Variants in LAMB1 observed in about 807,000 individuals in gnomAD.
The protein encoded by LAMB1 is laminin subunit beta 1.
LAMB1 carries 121 observed loss-of-function variants against 222.3 expected under a neutral mutation model. The ratio of observed to expected loss-of-function variants is 0.54; its 90% CI spans 0.47 to 0.63. The LOEUF (loss-of-function observed/expected upper bound fraction) is 0.63. LAMB1 is among the 30% of genes least tolerant of loss of function. The pLI, the probability that LAMB1 is intolerant of heterozygous loss-of-function variation, is 0.00. For missense variants in LAMB1, 2,172 were observed against 2,240.8 expected, an observed-to-expected ratio of 0.97 and a Z score of 0.62; for synonymous variants, 794 against 807.2, an observed-to-expected ratio of 0.98 and a Z score of 0.28.
intron 15 of LAMB1, among the ~76,000 whole-genome samples, chr7:107,962,205 G>T (rs922544966): frequency 6.6e-6 from 1 of 152,188 alleles, no homozygotes; most frequent in Non-Finnish European, 1.5e-5. Flanking sequence ...GCTCGGGCTG[G>T]CTGGTGCATG....
intron 7 of LAMB1, among the ~76,000 whole-genome samples, chr7:107,983,629 T>G (rs767117683): frequency 1.4e-4 from 20 of 142,812 alleles, no homozygotes; most frequent in Non-Finnish European, 2.9e-4. Context: ...CTCAGCTCAC[T>G]GCAACCTCTG....
rs2033352518 is a variant in LAMB1, at chr7:107,955,405, A to T, written c.2854+62T>A. On this transcript the variant is annotated intron_variant, in intron 21 of 33. Coordinates refer to ENST00000222399, the MANE Select transcript of LAMB1 (RefSeq NM_002291.3). Reference sequence around the variant, plus strand: ...CTTTGCATCTTTTTTTCTCATTAACAATGAACTCATAAAGACATCTTTTTC... The same window carrying T: ...CTTTGCATCTTTTTTTCTCATTAACTATGAACTCATAAAGACATCTTTTTC... 3 of 1,429,672 alleles carry T rather than the reference A, an allele frequency of 2.1e-6. No individual in the cohort carries two copies. The African/African-American group carries it at 4.3e-5, about 20-fold the overall frequency. 88.6% of individuals were successfully genotyped at this position (1,429,672 alleles called of 1,614,324 possible). A position where few individuals can be genotyped will look rare whatever the true frequency, so the allele number is the denominator to read the frequency against.
At chr7:107,942,817 G>T (rs1208427472) in intron 24 of LAMB1, 3 of 152,148 alleles carry the variant, frequency 2.0e-5, no homozygotes, top group Admixed American at 2.0e-4. Context: ...GGATAAAGGG[G>T]AAAAACGTGT....
rs2032513025 is a variant in LAMB1 at position 107,924,504 on chromosome 7, C to CG, written c.5065-116_5065-115insC. ...TGGATTAAGGGCCACCAAGGATATTCACTGGTAAGTAATTTAAAATTTTAT... is the reference window on the plus strand; with the variant it reads ...TGGATTAAGGGCCACCAAGGATATTCGACTGGTAAGTAATTTAAAATTTTAT... On this transcript the variant is annotated intron_variant, in intron 32 of 33. Transcript: ENST00000222399. 3 of 682,572 alleles carry CG rather than the reference C, an allele frequency of 4.4e-6. No homozygotes were observed. The Admixed American group carries it at 1.1e-4, about 25-fold the overall frequency. 42.3% of individuals were successfully genotyped at this position (682,572 alleles called of 1,614,324 possible).
At chr7:107,935,266 G>T in intron 27 of LAMB1, 149 bp downstream of exon 27, 1 of 1,189,966 alleles carries the variant, frequency 8.4e-7, no homozygotes, top group Non-Finnish European at 1.2e-6. Context: ...AGGATCCAGA[G>T]ACCTCAGCCT....
At chr7:107,961,151 T>C in intron 17 of LAMB1, 55 bp downstream of exon 17, 1 of 1,610,776 alleles carries the variant, frequency 6.2e-7, no homozygotes, top group East Asian at 2.2e-5. Context: ...TGAGAGCAGC[T>C]GGGCACTTTC....
rs187514096 is a variant in LAMB1 at position 107,955,902 on chromosome 7, T to G, written c.2691-272A>C. Among the ~76,000 whole-genome samples the G allele has an allele frequency of 4.5e-3, 688 of 151,490 alleles. 6 individuals are homozygous for G. Among genetic ancestry groups the G allele is most frequent in the African/African-American group, 0.016 (650 of 41,298 alleles). On this transcript the variant is annotated intron_variant, in intron 20 of 33. Transcript: ENST00000222399. ...CACACACCACCACACCTGGCTGTTT[T>G]TTTGTTTGTTTTTGAGATGGAGTCG...
intron 7 of LAMB1, among the ~76,000 whole-genome samples, chr7:107,983,751 C>CAA (rs2034019405): frequency 6.6e-6 from 1 of 151,826 alleles, no homozygotes; most frequent in African/African-American, 2.4e-5. Context: ...CTCCTGACCT[C>CAA]GTGATCCACC....
In LAMB1 at chr7:107,978,455, T is replaced by TA. The variant is rs11350102; in HGVS notation, c.880-289dup. ...CCAGATGAAGAAAATTACTTAAAATTAAAAAAAAAAAAAAAAACTAGTTAC... is the reference window on the plus strand; with the variant it reads ...CCAGATGAAGAAAATTACTTAAAATTAAAAAAAAAAAAAAAAAACTAGTTAC... On this transcript the variant is annotated intron_variant, in intron 8 of 33. Coordinates refer to ENST00000222399, the MANE Select transcript of LAMB1 (RefSeq NM_002291.3). Among the ~76,000 whole-genome samples, 1,263 of 126,334 alleles carry TA rather than the reference T, an allele frequency of 1.0e-2. 9 individuals carry two copies. The highest frequency in any genetic ancestry group is 0.028 in the East Asian group (119 of 4,288). The allele number at this position is 126,334 out of a possible 152,430, so 82.9% of individuals were successfully genotyped here.
At chr7:107,941,071 C>CA (rs2032970578) in intron 24 of LAMB1, among the ~76,000 whole-genome samples, 1 of 152,224 alleles carries the variant, frequency 6.6e-6, no homozygotes. Context: ...GCCAGTACTA[C>CA]AAGCAGGGAT....
In LAMB1 at chr7:108,002,888, C is replaced by A. The variant is rs369221458; in HGVS notation, c.-3G>T. ...GCTAGCAACTGGAGAAGCCCCATGC[C>A]GGCTCCCTGCAGCCACGGGGACGCG... On this transcript the variant is annotated 5_prime_UTR_variant, in exon 2 of 34. Transcript: ENST00000222399. The A allele has an allele frequency of 1.2e-6, 2 of 1,614,028 alleles. No homozygotes were observed. The highest frequency in any genetic ancestry group is 4.5e-5 in the East Asian group (2 of 44,872).
intron 17 of LAMB1, among the ~76,000 whole-genome samples, chr7:107,960,991 G>A (rs2033485515): frequency 6.6e-6 from 1 of 152,196 alleles, no homozygotes; most frequent in Non-Finnish European, 1.5e-5. Context: ...ACTACGCCTA[G>A]TGAAATGCTG....
chr7:107,946,332 A>G (rs1228046383), intron 24 of LAMB1, among the ~76,000 whole-genome samples: 2 of 152,128 alleles, frequency 1.3e-5, no homozygotes, highest in East Asian at 1.9e-4. Context: ...CCTCAGTAAT[A>G]TAGGTTCAAT....
intron 5 of LAMB1, among the ~76,000 whole-genome samples, chr7:107,992,722 C>T (rs763904474): frequency 7.9e-5 from 12 of 152,110 alleles, no homozygotes; most frequent in Non-Finnish European, 1.5e-4. Flanking sequence ...ATGGTGAAAC[C>T]TGCCTCTACC....
At chr7:107,994,134 A>G (rs576417037) in intron 5 of LAMB1, among the ~76,000 whole-genome samples, 9 of 152,334 alleles carry the variant, frequency 5.9e-5, no homozygotes, top group African/African-American at 2.2e-4. Context: ...GAGAAGCAAT[A>G]ACTAAATTAT....
rs570198086 is a variant in LAMB1 at position 107,967,127 on chromosome 7, G to C, written c.1563-2440C>G. The stretch of plus-strand genomic sequence containing the variant: ...TCTCTAATTCATCTTGTCCCAAACA[G>C]ATCATCACCACCCACACTGACTTCT... On this transcript the variant is annotated intron_variant, in intron 13 of 33. Coordinates refer to ENST00000222399, the MANE Select transcript of LAMB1 (RefSeq NM_002291.3). 5.8e-4 allele frequency among the ~76,000 whole-genome samples: 88 copies of C among 152,312 alleles called. 2 individuals are homozygous for C. The South Asian group carries it at 0.014, about 24-fold the overall frequency.
intron 3 of LAMB1, among the ~76,000 whole-genome samples, chr7:108,000,556 T>A (rs572661457): frequency 2.4e-4 from 36 of 152,316 alleles, no homozygotes; most frequent in East Asian, 2.3e-3. Context: ...TTTAAAAAAA[T>A]TTTTTGAGAC....
At chr7:107,980,966 C>A (rs952751151) in intron 7 of LAMB1, among the ~76,000 whole-genome samples, 155 bp from the exon 8 acceptor site, 3 of 151,858 alleles carry the variant, frequency 2.0e-5, no homozygotes, top group Non-Finnish European at 4.4e-5. Flanking sequence ...AATAGTGAAG[C>A]CTAACATAAC....
rs550162505 is a variant in LAMB1, at chr7:107,932,586, T to C, written c.4189-209A>G. On this transcript the variant is annotated intron_variant, in intron 27 of 33. Transcript: ENST00000222399. ...TTATTTCCAAGGAAACAATGGAAGT[T>C]TACAACTCATCAATATCTTCTGCCC... 8 of 595,548 alleles carry C rather than the reference T, an allele frequency of 1.3e-5. No homozygotes were observed. The East Asian group carries it at 2.0e-4, about 15-fold the overall frequency. The allele number at this position is 595,548 out of a possible 1,614,324, so 36.9% of individuals were successfully genotyped here. A position where few individuals can be genotyped will look rare whatever the true frequency, so the allele number is the denominator to read the frequency against.
Sources: gnomAD v4.1 joint callset for allele counts (sites outside exome capture counted in the v4.1 genomes callset) on GRCh38, gnomAD v4.1.1 for gene constraint, MANE v1.5 for transcripts, NCBI Gene and HGNC (gene_info 2026-07-23, HGNC 2026-07-21) for gene names.